ZMYM3: variants seen among roughly 807,000 people sequenced by gnomAD.
ZMYM3 encodes zinc finger MYM-type containing 3, also known as zinc finger MYM-type protein 3.
ZMYM3 carries 6 observed loss-of-function variants against 94.2 expected under a neutral mutation model. The observed-to-expected ratio is 0.06, with a 90% CI of 0.03 to 0.13. ZMYM3 has a LOEUF of 0.13. Among genes scored for constraint, ZMYM3 ranks in the 10% least tolerant of loss-of-function variants. The probability of loss-of-function intolerance (pLI) is 1.00; values close to 1 mark genes in which losing one functional copy is unlikely to be tolerated. For synonymous variants in ZMYM3, 420 were observed against 426.5 expected, an observed-to-expected ratio of 0.98 and a Z score of 0.19; for missense variants, 664 against 1,132.6, an observed-to-expected ratio of 0.59 and a Z score of 5.94.
chrX:71,250,380 T>C, intron 5 of ZMYM3, 52 bp downstream of exon 5: 2 of 1,145,640 alleles, frequency 1.7e-6, no homozygotes, highest in South Asian at 4.2e-5. Context: ...GTCTTACTCA[T>C]ACTCCTGCCC....
chrX:71,253,040 G>A lies in ZMYM3; in HGVS notation c.216C>T (p.Val72=). ...CCAGCAACTCAGTGGCTCCATCCAGGACTCCAGGGTCTTTTTCCAGGCCAG... is the reference window on the plus strand; with the variant it reads ...CCAGCAACTCAGTGGCTCCATCCAGAACTCCAGGGTCTTTTTCCAGGCCAG... The part of the protein sequence containing the change: ...TPAGLEKDPG[V]LDGATELLGL... Residue 72 remains valine (V), a synonymous_variant, in exon 2 of 25, where the codon GTC becomes GTT. Transcript: ENST00000314425. 1 of 1,202,636 alleles carries A rather than the reference G, an allele frequency of 8.3e-7. No individual in the cohort carries two copies. Among genetic ancestry groups the A allele is most frequent in the African/African-American group, 1.7e-5 (1 of 57,499 alleles).
At chrX:71,249,911 C>T (rs893307878) in intron 6 of ZMYM3, 115 bp downstream of exon 6, 9 of 1,054,998 alleles carry the variant, frequency 8.5e-6, no homozygotes, top group African/African-American at 3.8e-5. Flanking sequence ...TCATGATGGC[C>T]GCCTTTCCTC....
intron 19 of ZMYM3, 23 bp from the exon 20 acceptor site, chrX:71,244,493 G>A (rs944192528): frequency 2.5e-6 from 3 of 1,204,198 alleles, no homozygotes; most frequent in Non-Finnish European, 3.4e-6. Context: ...AGAAAGCAGG[G>A]GCATGGCAGA....
rs752060972 is a variant in ZMYM3 at position 71,248,635 on chromosome X, C to T, written c.1737+51G>A. 4.3e-6 allele frequency: 5 copies of T among 1,156,707 alleles called. No individual in the cohort carries two copies. In the South Asian group the frequency reaches 5.8e-5, roughly 13 times the overall value. On this transcript the variant is annotated intron_variant, in intron 9 of 24. Transcript: ENST00000314425. Reference sequence around the variant, plus strand: ...AGGCCTGCCTACCCCAATTCTCCAACCCTCTTTATGTTGCCAAACCCTTCT... The same window carrying T: ...AGGCCTGCCTACCCCAATTCTCCAATCCTCTTTATGTTGCCAAACCCTTCT...
chrX:71,247,986 T>C, intron 11 of ZMYM3, 80 bp from the exon 12 acceptor site: 1 of 1,096,230 alleles, frequency 9.1e-7, no homozygotes, highest in Non-Finnish European at 1.2e-6. Flanking sequence ...CAAGGTGCTA[T>C]ACCTGAAACC....
upstream of ZMYM3, chrX:71,255,090 CTCTCTCT>C (rs2030695177): frequency 5.3e-5 from 1 of 18,819 alleles, no homozygotes; most frequent in Non-Finnish European, 8.1e-5. Context: ...GCTGATCTCT[CTCTCTCT>C]CTCTCTCTCT....
chrX:71,255,024 G>C (rs2030684900), upstream of ZMYM3: 1 of 106,161 alleles, frequency 9.4e-6, no homozygotes, highest in Non-Finnish European at 1.9e-5. Context: ...TCTTCTCCCT[G>C]AGTCTTCCTG....
chrX:71,242,127 G>C (rs201332395), intron 23 of ZMYM3, 43 bp downstream of exon 23: 1 of 1,153,480 alleles, frequency 8.7e-7, no homozygotes, highest in Non-Finnish European at 1.2e-6. Context: ...GAAGGGGAAG[G>C]CAGAGAAGGG....
At position 71,243,102 on chromosome X, in the gene ZMYM3, G is replaced by A; in HGVS notation, c.3433-18C>T. On this transcript the variant is annotated intron_variant, in intron 21 of 24. Transcript: ENST00000314425. ...AGCAAGTACTGGGGAAAGAAAAACAGACACACCTAAGGCTAGACTGTAGGT... is the reference window on the plus strand; with the variant it reads ...AGCAAGTACTGGGGAAAGAAAAACAAACACACCTAAGGCTAGACTGTAGGT... 1.7e-6 allele frequency: 2 copies of A among 1,154,372 alleles called. No homozygotes were observed. The highest frequency in any genetic ancestry group is 1.2e-6 in the Non-Finnish European group (1 of 843,755).
chrX:71,244,816 G>C lies in ZMYM3; in HGVS notation c.3085C>G (p.Gln1029Glu), dbSNP rs1193070850. Residue 1029 changes from glutamine (Q) to glutamate (E), a missense_variant, in exon 19 of 25, where the codon CAA becomes GAA. Around this residue, in one of 9 missense-constraint regions of ZMYM3, gnomAD observed 75 missense variants for 152.5 expected, o/e 0.49. Coordinates refer to ENST00000314425, the MANE Select transcript of ZMYM3 (RefSeq NM_201599.3). ...LVGPEDVSTE[Q>E]DLPRTMRKGQ... is the part of the protein sequence containing the mutation. ...TTCCTCATGGTTCGGGGAAGGTCTT[G>C]TTCAGTAGACACATCCTCAGGCCCT... 1 of 1,205,450 alleles carries C rather than the reference G, an allele frequency of 8.3e-7. No individual in the cohort carries two copies. The highest frequency in any genetic ancestry group is 1.1e-6 in the Non-Finnish European group (1 of 892,943).
chrX:71,250,229 TTCA>T, intron 5 of ZMYM3, 26 bp from the exon 6 acceptor site: 1 of 1,146,104 alleles, frequency 8.7e-7, no homozygotes, highest in Non-Finnish European at 1.2e-6. Context: ...GGTTTGAATA[TTCA>T]CTCAAGACCA....
At position 71,240,941 on chromosome X, in the gene ZMYM3, C is replaced by T. The variant is rs1398151340; in HGVS notation, c.4088G>A (p.Arg1363His). 1.1e-5 allele frequency: 13 copies of T among 1,211,016 alleles called. No homozygotes were observed. Among genetic ancestry groups the T allele is most frequent in the Middle Eastern group, 2.3e-4 (1 of 4,351 alleles). Residue 1363 changes from arginine to histidine, a missense_variant, in exon 25 of 25, where the codon CGT becomes CAT. Physicochemically the swap from Arg to His is conservative, Grantham distance 29 (BLOSUM62 0). Around this residue, in one of 9 missense-constraint regions of ZMYM3, gnomAD observed 58 missense variants for 112.4 expected, o/e 0.52. Transcript: ENST00000314425. ...TCAGTCCAGGTCTTCCTCCCCAGGA[C>T]GACCCAGTTCCTCATAAATCTCGCG... Reference protein sequence around the residue: ...AVREIYEELGRPGEEDLD With the variant: ...AVREIYEELGHPGEEDLD
At chrX:71,242,657 T>C (rs1878716198) in intron 22 of ZMYM3, among the ~76,000 whole-genome samples, 1 of 112,264 alleles carries the variant, frequency 8.9e-6, no homozygotes, top group African/African-American at 3.2e-5. Context: ...ACCCTCAAGT[T>C]GTAGACAAGT....
chrX:71,252,690 G>T lies in ZMYM3; in HGVS notation c.566C>A (p.Ala189Asp). 8.4e-7 allele frequency: 1 copy of T among 1,196,625 alleles called. No individual in the cohort carries two copies. Among genetic ancestry groups the T allele is most frequent in the Non-Finnish European group, 1.1e-6 (1 of 888,760 alleles). ...CTCTCCCACTGAAGGGCTAGGCGGG[G>T]CATTTGGGCTCTGTGGCTGCCCTTG... ...LPQGQPQSPN[A>D]PPSPSVGETL... The change falls in exon 2 of 25, where the codon GCC (alanine) becomes GAC (aspartate). Residue 189 changes from alanine to aspartate, a missense_variant. Ala to Asp is a moderately radical substitution (Grantham distance 126). Coordinates refer to ENST00000314425, the MANE Select transcript of ZMYM3 (RefSeq NM_201599.3).
At chrX:71,249,759 A>T in intron 6 of ZMYM3, 80 bp from the exon 7 acceptor site, 3 of 1,134,862 alleles carry the variant, frequency 2.6e-6, no homozygotes, top group Non-Finnish European at 3.5e-6. Flanking sequence ...CCCCCACCTC[A>T]CCCTAGACCT....
Position 71,251,123 on chromosome X carries a change from C to T in ZMYM3, c.778+55G>A, listed in dbSNP as rs376196244. On this transcript the variant is annotated intron_variant, in intron 4 of 24. Coordinates refer to ENST00000314425, the MANE Select transcript of ZMYM3 (RefSeq NM_201599.3). Reference sequence around the variant, plus strand: ...TCCATGCCCTGCCGCATGCCACTTTCGGACCTTTTCCACACCCAGAACTCC... The same window carrying T: ...TCCATGCCCTGCCGCATGCCACTTTTGGACCTTTTCCACACCCAGAACTCC... 3.6e-5 allele frequency: 41 copies of T among 1,149,295 alleles called. No individual in the cohort carries two copies. In the South Asian group the frequency reaches 4.0e-4, roughly 11 times the overall value. The allele number at this position is 1,149,295 out of a possible 1,213,427, so 94.7% of individuals were successfully genotyped here.
At chrX:71,241,186 G>A (rs1157957630) in intron 24 of ZMYM3, 41 bp downstream of exon 24, 1 of 1,180,889 alleles carries the variant, frequency 8.5e-7, no homozygotes, top group East Asian at 3.0e-5. Flanking sequence ...GATCCCTCGG[G>A]TCCCCATGCT....
chrX:71,245,129 A>T (rs1297631207), intron 18 of ZMYM3, among the ~76,000 whole-genome samples: 3 of 53,544 alleles, frequency 5.6e-5, no homozygotes, highest in African/African-American at 2.3e-4. Flanking sequence ...TTAAAAATTA[A>T]AAAAAAAAAA....
chrX:71,251,824 C>G (rs1316587236), intron 2 of ZMYM3: 23 of 749,567 alleles, frequency 3.1e-5, no homozygotes, highest in Non-Finnish European at 3.5e-5. Flanking sequence ...AAAAATCTAT[C>G]CTTCCCACCA....
Sources: gnomAD v4.1 joint callset for allele counts (sites outside exome capture counted in the v4.1 genomes callset) on GRCh38, gnomAD v4.1.1 for gene constraint, gnomAD v4.1.1 regional missense constraint, MANE v1.5 for transcripts, NCBI Gene and HGNC (gene_info 2026-07-23, HGNC 2026-07-21) for gene names.